Variants in PPP1CC observed in about 807,000 individuals in gnomAD.
The protein encoded by PPP1CC is protein phosphatase 1 catalytic subunit gamma, also known as serine/threonine-protein phosphatase PP1-gamma catalytic subunit.
Under a neutral mutation model 38.4 loss-of-function variants are expected in PPP1CC, and 16 were observed. The observed-to-expected ratio is 0.42, with a 90% confidence interval of 0.28 to 0.63. The LOEUF (loss-of-function observed/expected upper bound fraction) is 0.63. Ranked by LOEUF, PPP1CC falls within the 30% of genes least tolerant of loss-of-function variation. The pLI is 0.25. For synonymous variants in PPP1CC, 158 were observed against 136.0 expected (o/e 1.16, Z -1.13); for missense variants, 170 against 391.3 (o/e 0.43, Z 4.77).
Position 110,720,106 on chromosome 12 carries a change from GA to G in PPP1CC, c.*969del. On this transcript the variant is annotated 3_prime_UTR_variant, in exon 7 of 7. Transcript: ENST00000335007. Reference sequence around the variant, plus strand: ...AGCCTCAACTTCACCGCAGAATAAAGAATGTAGGCCAAAGAAAGCATAATCG... The same window carrying G: ...AGCCTCAACTTCACCGCAGAATAAAGATGTAGGCCAAAGAAAGCATAATCG... 6.5e-7 allele frequency: 1 copy of G among 1,530,444 alleles called. No individual in the cohort carries two copies. 94.8% of individuals were successfully genotyped at this position (1,530,444 alleles called of 1,614,324 possible).
In PPP1CC at chr12:110,742,816, AG is replaced by A; in HGVS notation, c.-110del. 1.1e-6 allele frequency: 1 copy of A among 922,492 alleles called. No homozygotes were observed. Among genetic ancestry groups the A allele is most frequent in the Non-Finnish European group, 1.5e-6 (1 of 686,426 alleles). 57.1% of individuals were successfully genotyped at this position (922,492 alleles called of 1,614,324 possible). Reference sequence around the variant, plus strand: ...CAGAGGCGGTGGTGGCGGCGGTGGCAGCAGCCGCGGCGGGTCCCCCCCCTGC... The same window carrying A: ...CAGAGGCGGTGGTGGCGGCGGTGGCACAGCCGCGGCGGGTCCCCCCCCTGC... On this transcript the variant is annotated 5_prime_UTR_variant, in exon 1 of 7. Coordinates refer to ENST00000335007, the MANE Select transcript of PPP1CC (RefSeq NM_002710.4).
At chr12:110,714,663 T>C in the PPP1CC span, among the ~76,000 whole-genome samples, 2 of 150,944 alleles carry the variant, frequency 1.3e-5, no homozygotes, top group Non-Finnish European at 2.9e-5. Context: ...AAAAATTAGC[T>C]GGGTGTGTGG....
Position 110,742,820 on chromosome 12 carries a change from G to A in PPP1CC, c.-113C>T, listed in dbSNP as rs2070035530. On this transcript the variant is annotated 5_prime_UTR_variant, in exon 1 of 7. Coordinates refer to ENST00000335007, the MANE Select transcript of PPP1CC (RefSeq NM_002710.4). ...GGCGGTGGTGGCGGCGGTGGCAGCA[G>A]CCGCGGCGGGTCCCCCCCCTGCCAC... The A allele has an allele frequency of 1.1e-5, 9 of 836,802 alleles. No homozygotes were observed. Among genetic ancestry groups the A allele is most frequent in the Non-Finnish European group, 1.3e-5 (8 of 608,966 alleles). The allele number at this position is 836,802 out of a possible 1,614,324, so 51.8% of individuals were successfully genotyped here.
At chr12:110,718,801 C>G (rs865796375), downstream of PPP1CC, among the ~76,000 whole-genome samples, 2 of 152,172 alleles carry the variant, frequency 1.3e-5, no homozygotes, top group Non-Finnish European at 1.5e-5. Context: ...CTTGGGTTAT[C>G]ACACACATCT....
At chr12:110,717,702 C>A (rs561997034), downstream of PPP1CC, among the ~76,000 whole-genome samples, 1 of 152,126 alleles carries the variant, frequency 6.6e-6, no homozygotes, top group African/African-American at 2.4e-5. Flanking sequence ...GGCCTCAAAC[C>A]CACTTTCTGG....
In PPP1CC at chr12:110,720,809, T is replaced by G. The variant is rs2069729653; in HGVS notation, c.*267A>C. On this transcript the variant is annotated 3_prime_UTR_variant, in exon 7 of 7. Transcript: ENST00000335007. ...ACTCCTCAGACAGGATAAACTGTCCTGGGGTGTACAGCTTTAACACCATCA... is the reference window on the plus strand; with the variant it reads ...ACTCCTCAGACAGGATAAACTGTCCGGGGGTGTACAGCTTTAACACCATCA... 2.9e-6 allele frequency: 1 copy of G among 342,746 alleles called. No individual in the cohort carries two copies. The highest frequency in any genetic ancestry group is 6.2e-5 in the East Asian group (1 of 16,130). 21.2% of individuals were successfully genotyped at this position (342,746 alleles called of 1,614,324 possible). A position where few individuals can be genotyped will look rare whatever the true frequency, so the allele number is the denominator to read the frequency against.
chr12:110,738,039 A>G (rs1180384136), intron 1 of PPP1CC, among the ~76,000 whole-genome samples: 1 of 152,248 alleles, frequency 6.6e-6, no homozygotes, highest in Non-Finnish European at 1.5e-5. Flanking sequence ...AAGCCAATCC[A>G]TTAAAAACTT....
downstream of PPP1CC, among the ~76,000 whole-genome samples, chr12:110,717,186 C>T (rs1422368443): frequency 2.0e-5 from 3 of 152,184 alleles, no homozygotes; most frequent in Non-Finnish European, 4.4e-5. Context: ...GTTAAGTATT[C>T]TAGTTATTCC....
chr12:110,728,391 C>A (rs1191134819), intron 3 of PPP1CC, among the ~76,000 whole-genome samples: 1 of 135,208 alleles, frequency 7.4e-6, no homozygotes, highest in Admixed American at 7.2e-5. Flanking sequence ...GAGCGAGACT[C>A]CGTCTCAAAA....
chr12:110,724,831 G>C, intron 3 of PPP1CC, 67 bp from the exon 4 acceptor site: 1 of 903,380 alleles, frequency 1.1e-6, no homozygotes, highest in Non-Finnish European at 1.8e-6. Flanking sequence ...CATTCTCTCA[G>C]GATTAACTTC....
At chr12:110,737,862 C>T (rs935640575) in intron 1 of PPP1CC, among the ~76,000 whole-genome samples, 5 of 151,962 alleles carry the variant, frequency 3.3e-5, no homozygotes, top group African/African-American at 7.3e-5. Flanking sequence ...GAGGAAGAAT[C>T]GCTTGAACCC....
intron 1 of PPP1CC, among the ~76,000 whole-genome samples, chr12:110,738,868 C>T (rs1322660066): frequency 2.0e-5 from 3 of 152,212 alleles, no homozygotes; most frequent in African/African-American, 7.2e-5. Context: ...CTGTCTCCAA[C>T]AGAGCTTTCC....
At chr12:110,728,473 C>A (rs2069834826) in intron 3 of PPP1CC, among the ~76,000 whole-genome samples, 1 of 151,652 alleles carries the variant, frequency 6.6e-6, no homozygotes, top group Admixed American at 6.6e-5. Context: ...ACAGTGTTGG[C>A]TGGGTGTGGT....
chr12:110,714,213 G>C, the PPP1CC span, among the ~76,000 whole-genome samples: 1 of 152,094 alleles, frequency 6.6e-6, no homozygotes, highest in Admixed American at 6.6e-5. Context: ...CAACCAAAAT[G>C]TGCACCCAAT....
intron 3 of PPP1CC, among the ~76,000 whole-genome samples, chr12:110,729,042 A>G (rs2069841717): frequency 6.6e-6 from 1 of 152,160 alleles, no homozygotes; most frequent in South Asian, 2.1e-4. Context: ...CATATTAGCA[A>G]ATGCCAAGTA....
rs761464031 is a variant in PPP1CC, at chr12:110,721,007, TAC to T, written c.*67_*68del. ...TCTGAGCAAGCTGACCAGTACACAT[TAC>T]AGTCTTAAAAATGAAGGTTATATAC... On this transcript the variant is annotated 3_prime_UTR_variant, in exon 7 of 7. Coordinates refer to ENST00000335007, the MANE Select transcript of PPP1CC (RefSeq NM_002710.4). 1 of 1,405,908 alleles carries T rather than the reference TAC, an allele frequency of 7.1e-7. No individual in the cohort carries two copies. The highest frequency in any genetic ancestry group is 1.0e-6 in the Non-Finnish European group (1 of 993,100). The allele number at this position is 1,405,908 out of a possible 1,614,324, so 87.1% of individuals were successfully genotyped here.
chr12:110,726,322 C>T (rs1364577675), intron 3 of PPP1CC: 1 of 152,190 alleles, frequency 6.6e-6, no homozygotes, highest in African/African-American at 2.4e-5. Flanking sequence ...ATCTTTTCTC[C>T]TAATAATTTC....
chr12:110,733,394 C>A (rs1470103875), intron 1 of PPP1CC, among the ~76,000 whole-genome samples: 1 of 152,162 alleles, frequency 6.6e-6, no homozygotes, highest in East Asian at 1.9e-4. Flanking sequence ...ATAAATAGCT[C>A]ATACCATATA....
intron 1 of PPP1CC, 84 bp from the exon 2 acceptor site, chr12:110,731,985 G>A (rs754286531): frequency 2.0e-6 from 3 of 1,471,052 alleles, no homozygotes; most frequent in Non-Finnish European, 2.8e-6. Flanking sequence ...CAAAAACATG[G>A]TTTAACTAGC....
Sources: gnomAD v4.1 joint callset for allele counts (sites outside exome capture counted in the v4.1 genomes callset) on GRCh38, gnomAD v4.1.1 for gene constraint, MANE v1.5 for transcripts, NCBI Gene and HGNC (gene_info 2026-07-23, HGNC 2026-07-21) for gene names.